Variants in SRGAP2 observed in about 807,000 individuals in gnomAD.
SRGAP2 encodes the protein SLIT-ROBO Rho GTPase-activating protein 2.
A neutral mutation model predicts 57.2 loss-of-function variants in SRGAP2; 15 were observed. The observed-to-expected ratio is 0.26, with a 90% CI of 0.18 to 0.40. SRGAP2 has a LOEUF of 0.40. SRGAP2 is among the 10% of genes least tolerant of loss of function. The pLI, the probability that SRGAP2 is intolerant of heterozygous loss-of-function variation, is 1.00. For missense variants in SRGAP2, 520 were observed against 669.6 expected, an observed-to-expected ratio of 0.78 and a Z score of 2.47; for synonymous variants, 249 against 248.0, an observed-to-expected ratio of 1.00 and a Z score of -0.04.
intron 8 of SRGAP2, among the ~76,000 whole-genome samples, chr1:206,402,880 AAAG>A (rs2103147700): frequency 7.2e-6 from 1 of 139,160 alleles, no homozygotes; most frequent in African/African-American, 2.7e-5. Flanking sequence ...GCTACCAAAA[AAAG>A]GAGGAGTGGA....
At chr1:206,231,535 T>C (rs1391318573) in intron 2 of SRGAP2, among the ~76,000 whole-genome samples, 2 of 151,234 alleles carry the variant, frequency 1.3e-5, no homozygotes, top group Non-Finnish European at 2.9e-5. Flanking sequence ...ATAATTAGTT[T>C]TCTAATTTTT....
chr1:206,454,049 C>T lies in SRGAP2; in HGVS notation c.2360+669C>T. 1 of 696,916 alleles carries T rather than the reference C, an allele frequency of 1.4e-6. No homozygotes were observed. Among genetic ancestry groups the T allele is most frequent in the Non-Finnish European group, 2.6e-6 (1 of 381,638 alleles). The allele number at this position is 696,916 out of a possible 1,614,324, so 43.2% of individuals were successfully genotyped here. A position where few individuals can be genotyped will look rare whatever the true frequency, so the allele number is the denominator to read the frequency against. ...CCCGTGGGCCCACCCAAGCCTGCCC[C>T]CTGTCCGTTTGCCCTGTCTCTGTCC... is the stretch of plus-strand genomic sequence containing the variant. On this transcript the variant is annotated intron_variant, in intron 20 of 22. Transcript: ENST00000573034. The surrounding 1 kb of genome is among the most constrained non-coding windows in gnomAD (Gnocchi z 4.3).
At chr1:206,460,216 C>T (rs1664148455) in intron 22 of SRGAP2, among the ~76,000 whole-genome samples, 1 of 152,176 alleles carries the variant, frequency 6.6e-6, no homozygotes, top group African/African-American at 2.4e-5. Context: ...TTGGGGGTGC[C>T]AGACACAGGT....
At chr1:206,299,604 G>A (rs1483351736) in intron 2 of SRGAP2, among the ~76,000 whole-genome samples, 5 of 151,914 alleles carry the variant, frequency 3.3e-5, no homozygotes, top group Non-Finnish European at 7.4e-5. Flanking sequence ...TGCCTTCTTG[G>A]GGACCATTGT....
At chr1:206,204,909 C>G (rs1330713225) in intron 1 of SRGAP2, 4 of 129,142 alleles carry the variant, frequency 3.1e-5, no homozygotes, top group Non-Finnish European at 4.8e-5. Flanking sequence ...GCAGATTTGC[C>G]CCCCCCCCCA....
chr1:206,455,079 C>T, intron 21 of SRGAP2, 55 bp downstream of exon 21: 1 of 778,808 alleles, frequency 1.3e-6, no homozygotes, highest in Non-Finnish European at 2.4e-6. Context: ...CACCCAGCCT[C>T]ACCCTCTGGC....
intron 3 of SRGAP2, among the ~76,000 whole-genome samples, chr1:206,326,375 A>G (rs1185387228): frequency 2.0e-5 from 3 of 151,346 alleles, no homozygotes; most frequent in Non-Finnish European, 2.9e-5. Context: ...CAGTGTGTCA[A>G]CATGCTTTCA....
At chr1:206,325,785 G>A (rs1553329707) in intron 3 of SRGAP2, among the ~76,000 whole-genome samples, 1 of 152,084 alleles carries the variant, frequency 6.6e-6, no homozygotes, top group African/African-American at 2.4e-5. Context: ...TAAGAGCATT[G>A]TTTTTTAAAT....
At chr1:206,452,784 G>T (rs529218775) in intron 19 of SRGAP2, among the ~76,000 whole-genome samples, 1 of 151,240 alleles carries the variant, frequency 6.6e-6, no homozygotes, top group Non-Finnish European at 1.5e-5. Context: ...TACTTGGGAG[G>T]CTGAGGCAGG....
chr1:206,441,000 G>A (rs540907084), intron 17 of SRGAP2, among the ~76,000 whole-genome samples: 4 of 152,298 alleles, frequency 2.6e-5, no homozygotes, highest in Non-Finnish European at 5.9e-5. Flanking sequence ...TCTGGAGAGC[G>A]GTGAGGAGGG....
chr1:206,374,324 ATTCTT>A (rs1414304811), intron 4 of SRGAP2, among the ~76,000 whole-genome samples: 1 of 149,030 alleles, frequency 6.7e-6, no homozygotes, highest in Non-Finnish European at 1.5e-5. Context: ...CCAGATACAC[ATTCTT>A]TTCAAGTGTA....
chr1:206,334,535 A>T (rs1268944677), intron 3 of SRGAP2, among the ~76,000 whole-genome samples: 1 of 151,676 alleles, frequency 6.6e-6, no homozygotes, highest in Non-Finnish European at 1.5e-5. Context: ...GGAGGGGGAG[A>T]TCTTTATGGA....
Position 206,340,504 on chromosome 1 carries a change from A to G in SRGAP2, c.261-2342A>G, listed in dbSNP as rs554196703. 7.9e-5 allele frequency among the ~76,000 whole-genome samples: 12 copies of G among 152,196 alleles called. 1 individual carries two copies. In the South Asian group the frequency reaches 2.3e-3, roughly 29 times the overall value. On this transcript the variant is annotated intron_variant, in intron 3 of 22. Coordinates refer to ENST00000573034, the MANE Select transcript of SRGAP2 (RefSeq NM_015326.5). The stretch of plus-strand genomic sequence containing the variant: ...TGTGTATGTAAAGTGCTATAGGGAA[A>G]GAACCAGTATAGACCCCCCCCAATC...
chr1:206,372,972 T>TC (rs1448760133), intron 4 of SRGAP2, among the ~76,000 whole-genome samples: 4,130 of 34,948 alleles, frequency 0.12, 692 homozygotes, highest in African/African-American at 0.16. Context: ...TTCCTTTCTT[T>TC]CTTTCTTTCT....
intron 4 of SRGAP2, among the ~76,000 whole-genome samples, chr1:206,377,428 C>G (rs1426755250): frequency 1.3e-5 from 2 of 149,070 alleles, no homozygotes; most frequent in African/African-American, 5.0e-5. Context: ...CTTAGAAAGA[C>G]AAACTCAAAG....
intron 2 of SRGAP2, among the ~76,000 whole-genome samples, chr1:206,257,035 A>G (rs1347268486): frequency 7.7e-6 from 1 of 129,254 alleles, no homozygotes; most frequent in Non-Finnish European, 1.6e-5. Context: ...CTCACAGTCT[A>G]CTACTGCGAG....
At chr1:206,429,845 T>A (rs1374082806) in intron 13 of SRGAP2, among the ~76,000 whole-genome samples, 13 of 152,180 alleles carry the variant, frequency 8.5e-5, no homozygotes, top group African/African-American at 3.1e-4. Context: ...GAGAAGCGAA[T>A]GGATTTGAGA....
chr1:206,241,061 G>A (rs1487929810), intron 2 of SRGAP2, among the ~76,000 whole-genome samples: 1 of 152,194 alleles, frequency 6.6e-6, no homozygotes, highest in Non-Finnish European at 1.5e-5. Context: ...GCACCCACCT[G>A]TGGTCCCAGC....
At chr1:206,241,538 G>T (rs2102551650) in intron 2 of SRGAP2, among the ~76,000 whole-genome samples, 1 of 151,010 alleles carries the variant, frequency 6.6e-6, no homozygotes, top group Non-Finnish European at 1.5e-5. Flanking sequence ...CCTCCCCAGG[G>T]TTATCAGGTC....
Sources: gnomAD v4.1 joint callset for allele counts (sites outside exome capture counted in the v4.1 genomes callset) on GRCh38, gnomAD v4.1.1 for gene constraint, Gnocchi (gnomAD v3.1) non-coding constraint, MANE v1.5 for transcripts, NCBI Gene and HGNC (gene_info 2026-07-23, HGNC 2026-07-21) for gene names.